ZNF280C: variants seen among roughly 807,000 people sequenced by gnomAD.
ZNF280C encodes the protein suppressor of hairy wing homolog 3.
A neutral mutation model predicts 53.6 loss-of-function variants in ZNF280C; 14 were observed. The observed-to-expected ratio is 0.26, with a 90% CI of 0.17 to 0.41. ZNF280C has a LOEUF of 0.41. Ranked by LOEUF, ZNF280C falls within the 10% of genes least tolerant of loss-of-function variation. The pLI, the probability that ZNF280C is intolerant of heterozygous loss-of-function variation, is 1.00. For synonymous variants in ZNF280C, 203 were observed against 181.1 expected, an observed-to-expected ratio of 1.12 and a Z score of -0.97; for missense variants, 416 against 547.1, an observed-to-expected ratio of 0.76 and a Z score of 2.39.
intron 8 of ZNF280C, among the ~76,000 whole-genome samples, chrX:130,233,953 C>G (rs566289702): frequency 9.1e-6 from 1 of 109,770 alleles, no homozygotes; most frequent in Non-Finnish European, 1.9e-5. Flanking sequence ...GAAAAACTTT[C>G]CTAAAATCAC....
chrX:130,235,354 A>G (rs2032319532), intron 8 of ZNF280C, among the ~76,000 whole-genome samples: 1 of 111,606 alleles, frequency 9.0e-6, no homozygotes, highest in African/African-American at 3.3e-5. Context: ...GTCTCTACTA[A>G]AAATACAAAA....
chrX:130,215,535 G>A (rs1355614417), intron 14 of ZNF280C, among the ~76,000 whole-genome samples: 1 of 111,445 alleles, frequency 9.0e-6, no homozygotes, highest in Non-Finnish European at 1.9e-5. Context: ...TGGAATAAAA[G>A]GGATCAAATA....
At chrX:130,242,010 C>T (rs753987692) in intron 5 of ZNF280C, among the ~76,000 whole-genome samples, 35 of 52,603 alleles carry the variant, frequency 6.7e-4, no homozygotes, top group East Asian at 9.1e-4. Context: ...CGGGGGGGGG[C>T]GGGTGGCAGA....
chrX:130,264,860 G>A (rs184428901), intron 1 of ZNF280C, among the ~76,000 whole-genome samples: 5 of 111,607 alleles, frequency 4.5e-5, no homozygotes, highest in African/African-American at 1.6e-4. Flanking sequence ...TTTAAGTTCA[G>A]GGGTGTCTGT....
intron 15 of ZNF280C, among the ~76,000 whole-genome samples, chrX:130,212,718 C>A (rs754744989): frequency 4.5e-4 from 50 of 110,190 alleles, no homozygotes; most frequent in African/African-American, 1.6e-3. Context: ...AATGGAGGAA[C>A]AAGAAAGCAT....
chrX:130,224,313 C>T (rs2032198958), intron 12 of ZNF280C, among the ~76,000 whole-genome samples: 1 of 111,448 alleles, frequency 9.0e-6, no homozygotes, highest in East Asian at 2.8e-4. Context: ...CCACTGGTGC[C>T]CTGATCTTGG....
chrX:130,258,100 A>G (rs2032594069), intron 2 of ZNF280C, among the ~76,000 whole-genome samples: 1 of 111,877 alleles, frequency 8.9e-6, no homozygotes, highest in African/African-American at 3.2e-5. Context: ...TCTGGGCCAC[A>G]GTGCTAGACT....
chrX:130,223,105 C>T (rs2032186417), intron 12 of ZNF280C, among the ~76,000 whole-genome samples: 1 of 110,605 alleles, frequency 9.0e-6, no homozygotes, highest in Non-Finnish European at 1.9e-5. Context: ...CTCTGTCTCC[C>T]AGGCTGGAGT....
chrX:130,207,485 A>G lies in ZNF280C; in HGVS notation c.2043-2070T>C, dbSNP rs190492810. Among the ~76,000 whole-genome samples the G allele has an allele frequency of 5.7e-3, 634 of 110,797 alleles. 2 individuals carry two copies. The highest frequency in any genetic ancestry group is 9.8e-3 in the Non-Finnish European group (521 of 52,931). On this transcript the variant is annotated intron_variant, in intron 16 of 18. Coordinates refer to ENST00000370978, the MANE Select transcript of ZNF280C (RefSeq NM_017666.5). ...AGTGATTCTCTTGCCTCAGCCTCTG[A>G]GTAGCTGCGATTACAGGCGCACACC...
chrX:130,266,920 G>A (rs2032695266), intron 1 of ZNF280C, among the ~76,000 whole-genome samples: 2 of 111,249 alleles, frequency 1.8e-5, no homozygotes, highest in South Asian at 7.6e-4. Context: ...GGCCAACATA[G>A]TGAAACCCCA....
At chrX:130,249,984 T>A (rs1474520812) in intron 2 of ZNF280C, among the ~76,000 whole-genome samples, 1 of 111,761 alleles carries the variant, frequency 8.9e-6, no homozygotes. Context: ...CTGATAGAGC[T>A]GAAAAACATA....
intron 14 of ZNF280C, among the ~76,000 whole-genome samples, 187 bp from the exon 15 acceptor site, chrX:130,215,520 T>A (rs1309476006): frequency 8.9e-6 from 1 of 112,000 alleles, no homozygotes; most frequent in Non-Finnish European, 1.9e-5. Context: ...CAGTTAACAT[T>A]TCCCTGGAAT....
At chrX:130,222,327 CA>C (rs1569433567) in intron 12 of ZNF280C, among the ~76,000 whole-genome samples, 12 of 106,825 alleles carry the variant, frequency 1.1e-4, no homozygotes, top group East Asian at 5.8e-4. Flanking sequence ...CACACACACA[CA>C]CACCCTTCTC....
At chrX:130,265,333 G>C (rs2032676602) in intron 1 of ZNF280C, among the ~76,000 whole-genome samples, 1 of 111,694 alleles carries the variant, frequency 9.0e-6, no homozygotes, top group African/African-American at 3.2e-5. Context: ...CTTCTACAAA[G>C]AAGTTTTACT....
intron 15 of ZNF280C, among the ~76,000 whole-genome samples, chrX:130,214,845 C>T (rs1394000560): frequency 9.0e-6 from 1 of 111,558 alleles, no homozygotes; most frequent in Non-Finnish European, 1.9e-5. Context: ...AATGCAAGAG[C>T]TGATCATATT....
At chrX:130,209,580 G>T in intron 16 of ZNF280C, 73 bp downstream of exon 16, 1 of 926,907 alleles carries the variant, frequency 1.1e-6, no homozygotes, top group Non-Finnish European at 1.6e-6. Flanking sequence ...TCCAAAGCAG[G>T]CACTCCAACA....
rs187019171 is a variant in ZNF280C, at chrX:130,256,618, C to T, written c.31+3801G>A. ...AAAAGGGGACAAAGAAGTGGGGGGGCGCGGTAGCTCACGACCTTAATCCCA... is the reference window on the plus strand; with the variant it reads ...AAAAGGGGACAAAGAAGTGGGGGGGTGCGGTAGCTCACGACCTTAATCCCA... On this transcript the variant is annotated intron_variant, in intron 2 of 18. Coordinates refer to ENST00000370978, the MANE Select transcript of ZNF280C (RefSeq NM_017666.5). 2.2e-4 allele frequency among the ~76,000 whole-genome samples: 24 copies of T among 109,419 alleles called. No homozygotes were observed. The East Asian group carries it at 3.8e-3, about 17-fold the overall frequency.
intron 2 of ZNF280C, among the ~76,000 whole-genome samples, chrX:130,257,375 C>T (rs1035372757): frequency 2.7e-5 from 3 of 110,859 alleles, no homozygotes; most frequent in African/African-American, 6.6e-5. Context: ...AACAGTATTA[C>T]GGTCATCATA....
intron 1 of ZNF280C, 23 bp downstream of exon 1, chrX:130,268,739 A>AGGCGGG (rs1415252163): frequency 8.9e-6 from 1 of 112,433 alleles, no homozygotes; most frequent in Non-Finnish European, 1.9e-5. Context: ...CGCGCGGCAC[A>AGGCGGG]GGCGGGGGCG....
Sources: allele counts gnomAD v4.1 joint callset (sites outside exome capture counted in the v4.1 genomes callset), GRCh38; gene constraint gnomAD v4.1.1; transcripts MANE v1.5; gene names NCBI Gene and HGNC (gene_info 2026-07-23, HGNC 2026-07-21).